The following CEP128 variants were observed in gnomAD, a reference collection of about 807,000 sequenced individuals.
CEP128 encodes the protein centrosomal protein 128kDa.
CEP128 carries 132 observed loss-of-function variants against 156.7 expected under a neutral mutation model. The observed-to-expected ratio is 0.84, with a 90% CI of 0.73 to 0.97. The LOEUF is 0.97. CEP128 is among the 50% of genes least tolerant of loss of function. The probability of loss-of-function intolerance (pLI) is 0.00; values close to 1 mark genes in which losing one functional copy is unlikely to be tolerated. For synonymous variants in CEP128, 469 were observed against 448.9 expected, an observed-to-expected ratio of 1.04 and a Z score of -0.57; for missense variants, 1,252 against 1,281.9, an observed-to-expected ratio of 0.98 and a Z score of 0.36.
intron 16 of CEP128, among the ~76,000 whole-genome samples, chr14:80,766,782 C>T (rs1442748251): frequency 1.3e-5 from 2 of 151,980 alleles, no homozygotes; most frequent in Non-Finnish European, 2.9e-5. Context: ...ATATTTCAGT[C>T]CCAAGGCCAT....
intron 18 of CEP128, among the ~76,000 whole-genome samples, chr14:80,743,760 T>C (rs571043735): frequency 1.4e-4 from 22 of 152,286 alleles, no homozygotes; most frequent in African/African-American, 4.1e-4. Flanking sequence ...CTAGAAGATA[T>C]AGAGTTAATG....
intron 21 of CEP128, among the ~76,000 whole-genome samples, chr14:80,533,429 T>A (rs1429168924): frequency 2.6e-5 from 4 of 152,212 alleles, no homozygotes; most frequent in Non-Finnish European, 5.9e-5. Context: ...AAGTAAATGA[T>A]CTCTTACCCT....
intron 23 of CEP128, among the ~76,000 whole-genome samples, chr14:80,514,421 T>G (rs1262625804): frequency 1.3e-5 from 2 of 152,024 alleles, no homozygotes; most frequent in African/African-American, 2.4e-5. Flanking sequence ...TTTTTTTTTT[T>G]GTCTCCTCTG....
rs148069230 is a variant in CEP128 at position 80,619,919 on chromosome 14, G to A, written c.2807-39496C>T. 5.9e-3 allele frequency among the ~76,000 whole-genome samples: 893 copies of A among 151,990 alleles called. 8 individuals carry two copies. The highest frequency in any genetic ancestry group is 0.014 in the Middle Eastern group (4 of 294). The stretch of plus-strand genomic sequence containing the variant: ...GCGTGTGGATCACCTGAGGTCAGGA[G>A]TTCAAGACCAGCCTAGCCAACGTGG... On this transcript the variant is annotated intron_variant, in intron 19 of 24. Transcript: ENST00000555265.
intron 1 of CEP128, among the ~76,000 whole-genome samples, chr14:80,940,124 CT>C (rs1311680426): frequency 2.0e-5 from 3 of 151,790 alleles, no homozygotes; most frequent in African/African-American, 7.3e-5. Flanking sequence ...TGGGAGTTGT[CT>C]ACATAAAAGG....
chr14:80,583,102 G>A (rs1039633406), intron 19 of CEP128, among the ~76,000 whole-genome samples: 12 of 152,126 alleles, frequency 7.9e-5, no homozygotes, highest in Non-Finnish European at 1.3e-4. Flanking sequence ...TCTACTCACA[G>A]AACTTCATAA....
At chr14:80,576,179 A>G (rs1413810417) in intron 20 of CEP128, among the ~76,000 whole-genome samples, 1 of 152,218 alleles carries the variant, frequency 6.6e-6, no homozygotes, top group East Asian at 1.9e-4. Flanking sequence ...AGCCATCACG[A>G]GCAAGGTGTC....
chr14:80,904,409 G>A lies in CEP128; in HGVS notation c.480+404C>T, dbSNP rs148317530. Among the ~76,000 whole-genome samples the A allele has an allele frequency of 3.2e-4, 48 of 152,106 alleles. 2 individuals carry two copies. The highest frequency in any genetic ancestry group is 1.1e-3 in the African/African-American group (47 of 41,524). On this transcript the variant is annotated intron_variant, in intron 6 of 24. Coordinates refer to ENST00000555265, the MANE Select transcript of CEP128 (RefSeq NM_152446.5). ...GTCCAAAGTTTCAGACAGACAGGAG[G>A]AATAGGTTTTGAGATGTATTGCACA...
chr14:80,852,252 A>C (rs1886928479), intron 9 of CEP128, among the ~76,000 whole-genome samples: 1 of 152,006 alleles, frequency 6.6e-6, no homozygotes, highest in Admixed American at 6.6e-5. Flanking sequence ...AAAAACAATA[A>C]AAAGAGTTTA....
At chr14:80,528,476 C>T (rs1051151188) in intron 22 of CEP128, among the ~76,000 whole-genome samples, 9 of 152,134 alleles carry the variant, frequency 5.9e-5, no homozygotes, top group Admixed American at 2.0e-4. Flanking sequence ...TTAGTAGAGA[C>T]GGGCTTTCAC....
intron 19 of CEP128, among the ~76,000 whole-genome samples, chr14:80,670,379 T>C (rs945525280): frequency 1.3e-5 from 2 of 152,224 alleles, no homozygotes; most frequent in Non-Finnish European, 2.9e-5. Context: ...TGTCTGTCTG[T>C]CTGTCTACCT....
intron 3 of CEP128, 87 bp downstream of exon 3, chr14:80,916,314 G>T: frequency 9.4e-7 from 1 of 1,064,540 alleles, no homozygotes; most frequent in Non-Finnish European, 1.4e-6. Context: ...ATTTGTTACA[G>T]CAGCAAGAAA....
chr14:80,782,613 C>T (rs1310959469), intron 15 of CEP128, among the ~76,000 whole-genome samples: 1 of 152,144 alleles, frequency 6.6e-6, no homozygotes, highest in African/African-American at 2.4e-5. Context: ...CCCAGATCAT[C>T]CCTACCAACT....
chr14:80,956,413 G>T (rs187681166), intron 2 of CEP128, among the ~76,000 whole-genome samples: 1 of 152,148 alleles, frequency 6.6e-6, no homozygotes, highest in Non-Finnish European at 1.5e-5. Flanking sequence ...GAAATAGTAC[G>T]TCCAGAACCC....
intron 7 of CEP128, among the ~76,000 whole-genome samples, chr14:80,896,087 T>C (rs1158669087): frequency 6.6e-6 from 1 of 152,148 alleles, no homozygotes; most frequent in Non-Finnish European, 1.5e-5. Flanking sequence ...TGAGAACCGC[T>C]GCTACGCTGG....
At chr14:80,573,605 G>C (rs111781698) in intron 20 of CEP128, among the ~76,000 whole-genome samples, 180 of 152,242 alleles carry the variant, frequency 1.2e-3, no homozygotes, top group African/African-American at 4.3e-3. Flanking sequence ...GAGTGACAAG[G>C]TTTAATGAGC....
chr14:80,699,042 A>G (rs931703633), intron 19 of CEP128, among the ~76,000 whole-genome samples: 10 of 152,168 alleles, frequency 6.6e-5, no homozygotes, highest in African/African-American at 1.2e-4. Flanking sequence ...TGAGAGGGAG[A>G]GAAATAATGT....
At chr14:80,800,294 T>C (rs1244064314) in intron 13 of CEP128, among the ~76,000 whole-genome samples, 1 of 152,194 alleles carries the variant, frequency 6.6e-6, no homozygotes, top group African/African-American at 2.4e-5. Context: ...AGAGGAATGA[T>C]AACCTACATG....
At chr14:80,677,508 CAAAA>C (rs57636757) in intron 19 of CEP128, among the ~76,000 whole-genome samples, 5 of 94,062 alleles carry the variant, frequency 5.3e-5, no homozygotes, top group East Asian at 4.4e-4. Context: ...GACTCCGTCT[CAAAA>C]AAAAAAAAAA....
Sources: gnomAD v4.1 joint callset for allele counts (sites outside exome capture counted in the v4.1 genomes callset) on GRCh38, gnomAD v4.1.1 for gene constraint, MANE v1.5 for transcripts, NCBI Gene and HGNC (gene_info 2026-07-23, HGNC 2026-07-21) for gene names.